The following APOH variants were observed in gnomAD, a reference collection of about 807,000 sequenced individuals.
APOH encodes the protein apolipoprotein H.
In APOH, 48 loss-of-function variants were observed where a neutral mutation model predicts 39.8. The ratio of observed to expected loss-of-function variants is 1.21; its 90% confidence interval spans 0.96 to 1.54. The LOEUF (loss-of-function observed/expected upper bound fraction) is 1.54. APOH is among the 40% of genes most tolerant of loss of function. The pLI is 0.00. For missense variants in APOH, 415 were observed against 421.2 expected (o/e 0.99, Z 0.13); for synonymous variants, 153 against 151.1 (o/e 1.01, Z -0.09).
chr17:66,212,130 A>G lies in APOH; in HGVS notation c.*3T>C, dbSNP rs774235022. 5 of 1,612,844 alleles carry G rather than the reference A, an allele frequency of 3.1e-6. No homozygotes were observed. In the South Asian group the frequency reaches 5.5e-5, roughly 18 times the overall value. ...ACATTTTGTGTGGAATCTGAAAACC[A>G]CCTTAGCATGGCTTTACATCGGATG... is the stretch of plus-strand genomic sequence containing the variant. On this transcript the variant is annotated 3_prime_UTR_variant, in exon 8 of 8. Transcript: ENST00000205948.
chr17:66,223,460 G>T (rs2073414833), intron 4 of APOH, among the ~76,000 whole-genome samples: 2 of 152,146 alleles, frequency 1.3e-5, no homozygotes, highest in South Asian at 4.1e-4. Flanking sequence ...GGCTTAGATA[G>T]AGTAATGACC....
chr17:66,229,240 T>G (rs1337440569), intron 1 of APOH, 76 bp downstream of exon 1: 1 of 1,248,208 alleles, frequency 8.0e-7, no homozygotes, highest in African/African-American at 1.5e-5. Flanking sequence ...CCCGGCCTAC[T>G]TATCATTATT....
intron 2 of APOH, among the ~76,000 whole-genome samples, chr17:66,227,073 G>A (rs1401225642): frequency 6.6e-6 from 1 of 151,856 alleles, no homozygotes; most frequent in African/African-American, 2.4e-5. Context: ...TAGTAGAGAC[G>A]AGGTTTCACC....
At chr17:66,212,558 T>C (rs2073342494) in intron 7 of APOH, among the ~76,000 whole-genome samples, 1 of 152,182 alleles carries the variant, frequency 6.6e-6, no homozygotes, top group African/African-American at 2.4e-5. Flanking sequence ...CTAATCTTTG[T>C]ATTTTTAGTA....
chr17:66,213,808 C>CGT (rs2073348738), intron 7 of APOH, among the ~76,000 whole-genome samples: 1 of 151,932 alleles, frequency 6.6e-6, no homozygotes. Flanking sequence ...CATGGTGGTG[C>CGT]GTGCATGTAA....
chr17:66,225,876 CA>C (rs35151038), intron 3 of APOH, 151 bp downstream of exon 3: 53,234 of 415,360 alleles, frequency 0.13, 1 homozygote, highest in East Asian at 0.17. Flanking sequence ...GACTCCGTCT[CA>C]AAAAAAAAAA....
intron 7 of APOH, 84 bp downstream of exon 7, chr17:66,214,369 T>C (rs2073351888): frequency 7.2e-7 from 1 of 1,383,896 alleles, no homozygotes; most frequent in African/African-American, 1.4e-5. Flanking sequence ...TCATCTGGTT[T>C]TTGACAATCA....
In APOH at chr17:66,222,147, G is replaced by A. The variant is rs8178919; in HGVS notation, c.416-1405C>T. On this transcript the variant is annotated intron_variant, in intron 4 of 7. Coordinates refer to ENST00000205948, the MANE Select transcript of APOH (RefSeq NM_000042.3). ...CACGCCTGTAATCCCAGAGCCCTGA[G>A]AGGCTGAGGCAGGTAAGGTTGCTTG... Among the ~76,000 whole-genome samples, 528 of 152,330 alleles carry A rather than the reference G, an allele frequency of 3.5e-3. 5 individuals carry two copies. The highest frequency in any genetic ancestry group is 0.012 in the African/African-American group (513 of 41,580).
At position 66,226,139 on chromosome 17, in the gene APOH, TAAAA is replaced by T; in HGVS notation, c.242-19_242-16del. 1 of 1,564,580 alleles carries T rather than the reference TAAAA, an allele frequency of 6.4e-7. No homozygotes were observed. Among genetic ancestry groups the T allele is most frequent in the South Asian group, 1.2e-5 (1 of 83,420 alleles). On this transcript the variant is annotated splice_polypyrimidine_tract_variant and intron_variant, in intron 2 of 7. Transcript: ENST00000205948. Reference sequence around the variant, plus strand: ...ACATACTCTGGCTGTGATACAAAGATAAAAAATGTTACTTTTCTTTGGGCTAAAA... The same window carrying T: ...ACATACTCTGGCTGTGATACAAAGATAATGTTACTTTTCTTTGGGCTAAAA...
rs1386062886 is a variant in APOH, at chr17:66,220,571, T to G, written c.587A>C (p.Lys196Thr). Residue 196 changes from lysine (K) to threonine (T), a missense_variant, in exon 5 of 8, where the codon AAA (lysine) becomes ACA (threonine). Lys to Thr is a moderately conservative substitution (Grantham distance 78, BLOSUM62 -1). Coordinates refer to ENST00000205948, the MANE Select transcript of APOH (RefSeq NM_000042.3). ...GCACTTACCCCTGCATTCTGGTAAT[T>G]TAGTCCAATTTCCATGTGTCGTGCA... ...ITCTTHGNWT[K>T]LPECREVKCP... The G allele has an allele frequency of 2.5e-6, 4 of 1,614,012 alleles. No homozygotes were observed. The Admixed American group carries it at 5.0e-5, about 20-fold the overall frequency.
chr17:66,216,483 CA>C lies in APOH; in HGVS notation c.784+304del, dbSNP rs10618003. On this transcript the variant is annotated intron_variant, in intron 6 of 7. Transcript: ENST00000205948. ...TGGGCGACAGAGCAAGACTCCATCTCAAAAAAAAAAAAAAAGAGTGCTCAGA... is the reference window on the plus strand; with the variant it reads ...TGGGCGACAGAGCAAGACTCCATCTCAAAAAAAAAAAAAAGAGTGCTCAGA... Among the ~76,000 whole-genome samples, 340 of 123,044 alleles carry C rather than the reference CA, an allele frequency of 2.8e-3. 1 individual carries two copies. The highest frequency in any genetic ancestry group is 1.0e-2 in the East Asian group (47 of 4,720). The allele number at this position is 123,044 out of a possible 152,430, so 80.7% of individuals were successfully genotyped here. A position where few individuals can be genotyped will look rare whatever the true frequency, so the allele number is the denominator to read the frequency against.
At chr17:66,216,742 T>C (rs1598549999) in intron 6 of APOH, 46 bp downstream of exon 6, 1 of 1,490,950 alleles carries the variant, frequency 6.7e-7, no homozygotes, top group Non-Finnish European at 9.0e-7. Flanking sequence ...GGTGATCCAC[T>C]GTATCAATTC....
intron 7 of APOH, among the ~76,000 whole-genome samples, chr17:66,212,711 G>T (rs953375458): frequency 6.6e-5 from 10 of 152,136 alleles, no homozygotes; most frequent in Non-Finnish European, 2.9e-5. Flanking sequence ...AAAATTAAAG[G>T]TTCTATATAC....
chr17:66,214,800 T>C lies in APOH; in HGVS notation c.785-150A>G. 4 of 657,226 alleles carry C rather than the reference T, an allele frequency of 6.1e-6. 1 individual carries two copies. The highest frequency in any genetic ancestry group is 3.6e-5 in the South Asian group (2 of 55,454). 40.7% of individuals were successfully genotyped at this position (657,226 alleles called of 1,614,324 possible). On this transcript the variant is annotated intron_variant, in intron 6 of 7. Transcript: ENST00000205948. ...GAATATATATAGTAAGTAATGGTAATATGATTGCTAATTGCAGTTCTCTGT... is the reference window on the plus strand; with the variant it reads ...GAATATATATAGTAAGTAATGGTAACATGATTGCTAATTGCAGTTCTCTGT...
At position 66,226,047 on chromosome 17, in the gene APOH, T is replaced by G. The variant is rs1567742374; in HGVS notation, c.319A>C (p.Ser107Arg). ...YTTFEYPNTI[S>R]FSCNTGFYLN... ...TCTTACCCAGTGTTACAAGAAAAAC[T>G]GATCGTGTTGGGATATTCAAAAGTC... The change falls in exon 3 of 8, where the codon AGT becomes CGT. Residue 107 changes from serine to arginine, a missense_variant. Ser to Arg is a moderately radical substitution (Grantham distance 110). Around this residue, in one of 3 missense-constraint regions of APOH, gnomAD observed 288 missense variants for 284.9 expected, o/e 1.01. Coordinates refer to ENST00000205948, the MANE Select transcript of APOH (RefSeq NM_000042.3). 2 of 1,612,594 alleles carry G rather than the reference T, an allele frequency of 1.2e-6. No homozygotes were observed. Among genetic ancestry groups the G allele is most frequent in the Non-Finnish European group, 1.7e-6 (2 of 1,179,424 alleles).
intron 7 of APOH, among the ~76,000 whole-genome samples, chr17:66,213,390 T>C (rs2073346671): frequency 6.6e-6 from 1 of 152,228 alleles, no homozygotes; most frequent in Admixed American, 6.5e-5. Flanking sequence ...TACTTTGCTC[T>C]AATGGATACT....
At chr17:66,214,431 A>G (rs766957954) in intron 7 of APOH, 22 bp downstream of exon 7, 15 of 1,607,240 alleles carry the variant, frequency 9.3e-6, no homozygotes, top group Non-Finnish European at 1.3e-5. Context: ...AGTCCTAGCT[A>G]AACGTTCCAA....
At chr17:66,224,625 G>GA (rs2073424324) in intron 3 of APOH, among the ~76,000 whole-genome samples, 2 of 132,938 alleles carry the variant, frequency 1.5e-5, no homozygotes, top group African/African-American at 2.8e-5. Context: ...AAGAAAGAAA[G>GA]AAGAAAGGAA....
intron 4 of APOH, among the ~76,000 whole-genome samples, chr17:66,223,332 G>A (rs2073413571): frequency 7.2e-6 from 1 of 139,678 alleles, no homozygotes; most frequent in African/African-American, 2.8e-5. Context: ...TGATCTCACT[G>A]TTTGCAGAAG....
Sources: allele counts gnomAD v4.1 joint callset (sites outside exome capture counted in the v4.1 genomes callset), GRCh38; gene constraint gnomAD v4.1.1; regional missense constraint gnomAD v4.1.1; transcripts MANE v1.5; gene names NCBI Gene and HGNC (gene_info 2026-07-23, HGNC 2026-07-21).